Variants in PELI2 observed in about 807,000 individuals in gnomAD.
PELI2 encodes the protein E3 ubiquitin-protein ligase pellino homolog 2.
In PELI2, 23 loss-of-function variants were observed where a neutral mutation model predicts 42.3. The observed-to-expected ratio is 0.54, with a 90% CI of 0.39 to 0.77. PELI2 has a LOEUF of 0.77. Ranked by LOEUF, PELI2 falls within the 30% of genes least tolerant of loss-of-function variation. The probability of loss-of-function intolerance (pLI) is 0.00; values close to 1 mark genes in which losing one functional copy is unlikely to be tolerated. For missense variants in PELI2, 463 were observed against 553.2 expected (o/e 0.84, Z 1.64); for synonymous variants, 245 against 212.2 (o/e 1.15, Z -1.34).
At chr14:56,224,707 T>A (rs1887277034) in intron 2 of PELI2, among the ~76,000 whole-genome samples, 1 of 152,236 alleles carries the variant, frequency 6.6e-6, no homozygotes, top group Admixed American at 6.5e-5. Context: ...GATTTCTGTA[T>A]ATATACATGG....
intron 1 of PELI2, among the ~76,000 whole-genome samples, chr14:56,160,011 G>GT (rs1041197999): frequency 3.0e-3 from 413 of 137,338 alleles, no homozygotes; most frequent in Middle Eastern, 0.011. Context: ...CAGTTTCTTT[G>GT]TTTTTTTTTT....
intron 2 of PELI2, among the ~76,000 whole-genome samples, chr14:56,182,549 A>T (rs1295318238): frequency 6.6e-6 from 1 of 152,166 alleles, no homozygotes; most frequent in African/African-American, 2.4e-5. Context: ...CTTTATTGAA[A>T]TGTCCTTTTT....
chr14:56,193,570 A>G (rs890029984), intron 2 of PELI2, among the ~76,000 whole-genome samples: 1 of 152,238 alleles, frequency 6.6e-6, no homozygotes, highest in Non-Finnish European at 1.5e-5. Flanking sequence ...ATACATACCA[A>G]AATAGACTTG....
rs143567877 is a variant in PELI2 at position 56,144,336 on chromosome 14, A to G, written c.77+25599A>G. 1.5e-4 allele frequency among the ~76,000 whole-genome samples: 23 copies of G among 152,360 alleles called. 1 individual carries two copies. The highest frequency in any genetic ancestry group is 3.4e-3 in the Middle Eastern group (1 of 294). The stretch of plus-strand genomic sequence containing the variant: ...CTGGCTAGGTGAGTCCAAAATCCAT[A>G]GAGCAGTCTGCCAGGAAAGACAGAC... On this transcript the variant is annotated intron_variant, in intron 1 of 5. Transcript: ENST00000267460.
chr14:56,151,141 C>T (rs12435921), intron 1 of PELI2, among the ~76,000 whole-genome samples: 29,793 of 152,264 alleles, frequency 0.2, 3,579 homozygotes, highest in Admixed American at 0.26. Context: ...TTCCTGCCCA[C>T]AGCACCCCGT....
intron 5 of PELI2, among the ~76,000 whole-genome samples, chr14:56,293,633 C>A (rs186705187): frequency 1.3e-5 from 2 of 152,158 alleles, no homozygotes; most frequent in Admixed American, 1.3e-4. Context: ...ACCAAGTCCA[C>A]GCTCTGCCCT....
At chr14:56,157,606 T>C (rs1001811784) in intron 1 of PELI2, among the ~76,000 whole-genome samples, 21 of 152,238 alleles carry the variant, frequency 1.4e-4, no homozygotes, top group Non-Finnish European at 2.2e-4. Context: ...TTTTGAGAAT[T>C]TGTTTCTGTA....
chr14:56,171,751 C>T (rs993874863), intron 1 of PELI2, among the ~76,000 whole-genome samples: 2 of 152,104 alleles, frequency 1.3e-5, no homozygotes, highest in African/African-American at 2.4e-5. Context: ...CACAGTGGCT[C>T]ATGCCTGTAA....
intron 2 of PELI2, among the ~76,000 whole-genome samples, chr14:56,239,657 A>G (rs1188971339): frequency 6.6e-6 from 1 of 152,164 alleles, no homozygotes; most frequent in Non-Finnish European, 1.5e-5. Flanking sequence ...CATACAGACT[A>G]GACTGGAGCC....
intron 2 of PELI2, among the ~76,000 whole-genome samples, chr14:56,203,367 C>G (rs1886404382): frequency 6.6e-6 from 1 of 152,094 alleles, no homozygotes; most frequent in Non-Finnish European, 1.5e-5. Context: ...ATCGTAATGT[C>G]TGCAACTTAA....
chr14:56,199,804 C>T (rs1414951413), intron 2 of PELI2, among the ~76,000 whole-genome samples: 1 of 152,214 alleles, frequency 6.6e-6, no homozygotes, highest in African/African-American at 2.4e-5. Flanking sequence ...CTCAGCTTAC[C>T]AGGGCCCAGG....
chr14:56,204,115 A>AG (rs1174025373), intron 2 of PELI2, among the ~76,000 whole-genome samples: 1 of 152,190 alleles, frequency 6.6e-6, no homozygotes, highest in East Asian at 1.9e-4. Flanking sequence ...CTTGTTCAAC[A>AG]GGGGCCGATT....
At chr14:56,141,545 A>G (rs1883907068) in intron 1 of PELI2, among the ~76,000 whole-genome samples, 1 of 152,220 alleles carries the variant, frequency 6.6e-6, no homozygotes, top group Non-Finnish European at 1.5e-5. Flanking sequence ...GAGACTGTGT[A>G]ATTTATAAAG....
At chr14:56,132,148 C>T (rs1359704668) in intron 1 of PELI2, among the ~76,000 whole-genome samples, 1 of 152,168 alleles carries the variant, frequency 6.6e-6, no homozygotes, top group East Asian at 1.9e-4. Context: ...GAGATGCCAT[C>T]CCATTGAACA....
At chr14:56,254,030 A>C (rs1417762707) in intron 2 of PELI2, among the ~76,000 whole-genome samples, 4 of 152,224 alleles carry the variant, frequency 2.6e-5, no homozygotes, top group Non-Finnish European at 5.9e-5. Context: ...GAAGCTTCAG[A>C]AATAATACCA....
intron 1 of PELI2, among the ~76,000 whole-genome samples, chr14:56,175,903 G>C (rs1885360887): frequency 6.6e-6 from 1 of 152,158 alleles, no homozygotes; most frequent in Admixed American, 6.5e-5. Flanking sequence ...GCTTGTCTCT[G>C]TTCTGCTTCC....
chr14:56,166,421 A>G (rs2139648329), intron 1 of PELI2, among the ~76,000 whole-genome samples: 1 of 152,294 alleles, frequency 6.6e-6, no homozygotes, highest in East Asian at 1.9e-4. Context: ...GTTAGTGTTA[A>G]TAATATTCTG....
Position 56,298,370 on chromosome 14 carries a change from A to C in PELI2, c.*1204A>C, listed in dbSNP as rs1890079129. On this transcript the variant is annotated 3_prime_UTR_variant, in exon 6 of 6. Transcript: ENST00000267460. Reference sequence around the variant, plus strand: ...AATAATTAAATGAGAATTTCATAGGAGCTCCACCATTCCTGTTACTTTCAT... The same window carrying C: ...AATAATTAAATGAGAATTTCATAGGCGCTCCACCATTCCTGTTACTTTCAT... The C allele has an allele frequency of 6.6e-6, 1 of 152,424 alleles. No homozygotes were observed. The highest frequency in any genetic ancestry group is 2.4e-5 in the African/African-American group (1 of 41,446). 9.4% of individuals were successfully genotyped at this position (152,424 alleles called of 1,614,324 possible). A position where few individuals can be genotyped will look rare whatever the true frequency, so the allele number is the denominator to read the frequency against.
At chr14:56,223,123 C>G (rs1282088886) in intron 2 of PELI2, among the ~76,000 whole-genome samples, 11 of 152,260 alleles carry the variant, frequency 7.2e-5, no homozygotes, top group African/African-American at 2.4e-4. Flanking sequence ...CCTCTACAGC[C>G]TGTGGCCAAA....
Sources: gnomAD v4.1 joint callset for allele counts (sites outside exome capture counted in the v4.1 genomes callset) on GRCh38, gnomAD v4.1.1 for gene constraint, MANE v1.5 for transcripts, NCBI Gene and HGNC (gene_info 2026-07-23, HGNC 2026-07-21) for gene names.